Variants in VGLL4 observed in about 807,000 individuals in gnomAD.
VGLL4 encodes vestigial like family member 4.
In VGLL4, 7 loss-of-function variants were observed where a neutral mutation model predicts 21.0. The ratio of observed to expected loss-of-function variants is 0.33; its 90% confidence interval spans 0.19 to 0.63. VGLL4 has a LOEUF of 0.63. Ranked by LOEUF, VGLL4 falls within the 20% of genes least tolerant of loss-of-function variation. The pLI, the probability that VGLL4 is intolerant of heterozygous loss-of-function variation, is 0.78. For missense variants in VGLL4, 394 were observed against 425.7 expected, an observed-to-expected ratio of 0.93 and a Z score of 0.66; for synonymous variants, 222 against 173.2, an observed-to-expected ratio of 1.28 and a Z score of -2.21.
chr3:11,681,154 G>A (rs1222004201), intron 2 of VGLL4, among the ~76,000 whole-genome samples: 2 of 152,214 alleles, frequency 1.3e-5, no homozygotes, highest in African/African-American at 2.4e-5. Flanking sequence ...CTGGAGTGCA[G>A]TGGCGCGATC....
intron 2 of VGLL4, among the ~76,000 whole-genome samples, chr3:11,677,810 C>T (rs2076315222): frequency 1.4e-5 from 2 of 147,798 alleles, no homozygotes; most frequent in African/African-American, 5.0e-5. Flanking sequence ...GAGGTTGAGG[C>T]AGGGGAATCG....
intron 1 of VGLL4, among the ~76,000 whole-genome samples, chr3:11,709,241 G>C (rs2076803832): frequency 6.6e-6 from 1 of 151,428 alleles, no homozygotes; most frequent in Non-Finnish European, 1.5e-5. Flanking sequence ...TTCAAGACGA[G>C]CCTGGCCAAC....
At chr3:11,628,501 A>G (rs1434471094) in intron 1 of VGLL4, among the ~76,000 whole-genome samples, 2 of 152,236 alleles carry the variant, frequency 1.3e-5, no homozygotes, top group Non-Finnish European at 2.9e-5. Flanking sequence ...TTTCCCAAAT[A>G]TGAAAAATTA....
chr3:11,664,644 C>A (rs1243444961), intron 2 of VGLL4, among the ~76,000 whole-genome samples: 1 of 152,138 alleles, frequency 6.6e-6, no homozygotes, highest in Non-Finnish European at 1.5e-5. Flanking sequence ...TAAGGGGTCA[C>A]CCATGAAACC....
Position 11,557,240 on chromosome 3 carries a change from A to T in VGLL4, c.*1316T>A, listed in dbSNP as rs2072521100. 6.5e-6 allele frequency: 1 copy of T among 152,820 alleles called. No individual in the cohort carries two copies. The highest frequency in any genetic ancestry group is 1.5e-5 in the Non-Finnish European group (1 of 68,050). The allele number at this position is 152,820 out of a possible 1,614,324, so 9.5% of individuals were successfully genotyped here. On this transcript the variant is annotated 3_prime_UTR_variant, in exon 5 of 5. Transcript: ENST00000430365. Reference sequence around the variant, plus strand: ...TAGTTAGTAGCTATTAATATAGCAAATAATAAATGCAGTAATAACAGTATA... The same window carrying T: ...TAGTTAGTAGCTATTAATATAGCAATTAATAAATGCAGTAATAACAGTATA...
At chr3:11,566,978 T>A (rs1219882104) in intron 2 of VGLL4, among the ~76,000 whole-genome samples, 1 of 152,076 alleles carries the variant, frequency 6.6e-6, no homozygotes, top group Non-Finnish European at 1.5e-5. Flanking sequence ...CATGGAGAGC[T>A]GGAGGGCTGA....
Position 11,604,420 on chromosome 3 carries a change from G to C in VGLL4, c.83-2398C>G. On this transcript the variant is annotated intron_variant, in intron 1 of 4. Coordinates refer to ENST00000430365, the MANE Select transcript of VGLL4 (RefSeq NM_001128219.3). ...CCTAAGACTGTGCAGCCTCACACAA[G>C]GCTTACAGCAAAGGAAAAGAATCCG... The C allele has an allele frequency of 2.1e-6, 2 of 957,182 alleles. 1 individual carries two copies. Among genetic ancestry groups the C allele is most frequent in the Non-Finnish European group, 2.5e-6 (2 of 810,426 alleles). 59.3% of individuals were successfully genotyped at this position (957,182 alleles called of 1,614,324 possible).
intron 1 of VGLL4, among the ~76,000 whole-genome samples, chr3:11,606,621 T>C (rs1471420819): frequency 6.6e-6 from 1 of 152,158 alleles, no homozygotes; most frequent in Non-Finnish European, 1.5e-5. Context: ...ACCCAATCAG[T>C]GCTCTGTGGC....
At chr3:11,655,491 A>C (rs1236265237) in intron 2 of VGLL4, among the ~76,000 whole-genome samples, 1 of 152,230 alleles carries the variant, frequency 6.6e-6, no homozygotes, top group Non-Finnish European at 1.5e-5. Context: ...TGCTTTACAC[A>C]GAAGGGGCAA....
intron 1 of VGLL4, among the ~76,000 whole-genome samples, chr3:11,627,815 A>G (rs937052144): frequency 1.4e-4 from 21 of 152,238 alleles, no homozygotes; most frequent in African/African-American, 4.1e-4. Context: ...CAGAAATTCA[A>G]AAGAGGATGA....
chr3:11,646,574 G>A (rs2075797008), upstream of VGLL4, among the ~76,000 whole-genome samples: 1 of 151,466 alleles, frequency 6.6e-6, no homozygotes, highest in Admixed American at 6.6e-5. Context: ...AAAAAACCCT[G>A]CCTTAAGATA....
chr3:11,667,842 CTTTTTTTTTTTTT>C (rs746416276), intron 2 of VGLL4, among the ~76,000 whole-genome samples: 110 of 69,348 alleles, frequency 1.6e-3, no homozygotes, highest in African/African-American at 6.1e-3. Flanking sequence ...CTATCTTCTT[CTTTTTTTTTTTTT>C]TTTTTTTTTT....
chr3:11,690,378 T>C (rs752930958), intron 2 of VGLL4, among the ~76,000 whole-genome samples: 1 of 152,226 alleles, frequency 6.6e-6, no homozygotes, highest in Non-Finnish European at 1.5e-5. Context: ...AGAAGCTGGA[T>C]GCATGTGTTC....
chr3:11,619,461 C>G (rs948693008), intron 1 of VGLL4, among the ~76,000 whole-genome samples: 1 of 152,156 alleles, frequency 6.6e-6, no homozygotes, highest in Non-Finnish European at 1.5e-5. Flanking sequence ...CTAAGCAGTG[C>G]AGAATTACAT....
At chr3:11,708,455 G>T (rs924602670) in intron 1 of VGLL4, among the ~76,000 whole-genome samples, 1 of 152,196 alleles carries the variant, frequency 6.6e-6, no homozygotes, top group Non-Finnish European at 1.5e-5. Flanking sequence ...CAGGTGATGT[G>T]GGGGGCGGCC....
intron 1 of VGLL4, among the ~76,000 whole-genome samples, chr3:11,639,871 G>A (rs1040406461): frequency 2.6e-5 from 4 of 151,560 alleles, no homozygotes; most frequent in East Asian, 1.9e-4. Context: ...GCAAGACTCC[G>A]TCTCAAAAGA....
Position 11,558,102 on chromosome 3 carries a change from A to C in VGLL4, c.*454T>G, listed in dbSNP as rs2072607993. The stretch of plus-strand genomic sequence containing the variant: ...AAATCAGACACGACAGTTCTCTTCA[A>C]GTATACACACGCACACACATGGACC... On this transcript the variant is annotated 3_prime_UTR_variant, in exon 5 of 5. Transcript: ENST00000430365. The C allele has an allele frequency of 5.7e-6, 1 of 175,002 alleles. No individual in the cohort carries two copies. Among genetic ancestry groups the C allele is most frequent in the African/African-American group, 2.4e-5 (1 of 42,352 alleles). 10.8% of individuals were successfully genotyped at this position (175,002 alleles called of 1,614,324 possible).
chr3:11,638,767 AAGGTTCTG>A (rs1330934668), intron 1 of VGLL4, among the ~76,000 whole-genome samples: 1 of 152,066 alleles, frequency 6.6e-6, no homozygotes, highest in Non-Finnish European at 1.5e-5. Context: ...AAGTTTCCTG[AAGGTTCTG>A]AGCTCATTAG....
intron 3 of VGLL4, among the ~76,000 whole-genome samples, chr3:11,561,731 G>A (rs992272988): frequency 2.0e-5 from 3 of 151,946 alleles, no homozygotes; most frequent in Admixed American, 6.5e-5. Flanking sequence ...TGGAAGTTAC[G>A]CTGCGGATTT....
Sources: gnomAD v4.1 joint callset for allele counts (sites outside exome capture counted in the v4.1 genomes callset) on GRCh38, gnomAD v4.1.1 for gene constraint, MANE v1.5 for transcripts, NCBI Gene and HGNC (gene_info 2026-07-23, HGNC 2026-07-21) for gene names.